The following ASB4 variants were observed in gnomAD, a reference collection of about 807,000 sequenced individuals.
The protein encoded by ASB4 is ankyrin repeat and SOCS box containing 4.
Under a neutral mutation model 38.6 loss-of-function variants are expected in ASB4, and 35 were observed. The observed-to-expected ratio is 0.91, with a 90% CI of 0.69 to 1.20. ASB4 has a LOEUF of 1.20. Among genes scored for constraint, ASB4 ranks in the 50% most tolerant of loss-of-function variants. ASB4 has a pLI of 0.00. For missense variants in ASB4, 557 were observed against 527.2 expected (o/e 1.06, Z -0.55); for synonymous variants, 195 against 201.3 (o/e 0.97, Z 0.26).
intron 2 of ASB4, among the ~76,000 whole-genome samples, chr7:95,512,528 G>A (rs752990638): frequency 1.3e-5 from 2 of 152,088 alleles, no homozygotes; most frequent in East Asian, 1.9e-4. Flanking sequence ...AATAAGTCCT[G>A]GAAAATCCAT....
chr7:95,477,199 C>T (rs1789985322), upstream of ASB4, among the ~76,000 whole-genome samples: 1 of 151,854 alleles, frequency 6.6e-6, no homozygotes, highest in Admixed American at 6.6e-5. Flanking sequence ...TAACACAGTC[C>T]CTAAAAGACA....
chr7:95,537,535 C>T (rs1790912455), intron 4 of ASB4, 36 bp from the exon 5 acceptor site: 1 of 1,546,598 alleles, frequency 6.5e-7, no homozygotes, highest in African/African-American at 1.4e-5. Context: ...ACTGTGGGGC[C>T]TTGCTAACTT....
chr7:95,549,299 C>T, the ASB4 span, among the ~76,000 whole-genome samples: 3 of 88,300 alleles, frequency 3.4e-5, no homozygotes, highest in Admixed American at 3.0e-4. Flanking sequence ...ATAGGAGACT[C>T]CATTTTTTTT....
In ASB4 at chr7:95,536,471, T is replaced by C. The variant is rs754354081; in HGVS notation, c.1013T>C (p.Ile338Thr). 1.9e-5 allele frequency: 30 copies of C among 1,613,216 alleles called. No homozygotes were observed. The highest frequency in any genetic ancestry group is 1.6e-4 in the South Asian group (15 of 91,042). Reference sequence around the variant, plus strand: ...GCCTGCCATTCTTGTCCTAAAGCAATTGAAGTTGTAGTCAATGCCTATGAA... The same window carrying C: ...GCCTGCCATTCTTGTCCTAAAGCAACTGAAGTTGTAGTCAATGCCTATGAA... ...IQACHSCPKA[I>T]EVVVNAYEHI... is the part of the protein sequence containing the mutation. The change falls in exon 4 of 5, where the codon ATT (isoleucine) becomes ACT (threonine). Residue 338 changes from isoleucine to threonine, a missense_variant. Coordinates refer to ENST00000325885, the MANE Select transcript of ASB4 (RefSeq NM_016116.3).
At chr7:95,483,479 G>T (rs1790040879), upstream of ASB4, among the ~76,000 whole-genome samples, 2 of 152,150 alleles carry the variant, frequency 1.3e-5, no homozygotes, top group South Asian at 4.1e-4. Context: ...TAAATATTTG[G>T]ATCAGATTAA....
upstream of ASB4, among the ~76,000 whole-genome samples, chr7:95,481,113 T>C (rs1790018297): frequency 6.6e-6 from 1 of 151,864 alleles, no homozygotes; most frequent in Non-Finnish European, 1.5e-5. Context: ...ACCTGATCTG[T>C]AAACTAGAAA....
At chr7:95,513,265 T>C (rs1163204377) in intron 2 of ASB4, among the ~76,000 whole-genome samples, 1 of 142,086 alleles carries the variant, frequency 7.0e-6, no homozygotes, top group South Asian at 2.3e-4. Context: ...TTTTTTTTTT[T>C]TTTTTTTTTA....
At chr7:95,521,191 A>G (rs1790657726) in intron 2 of ASB4, among the ~76,000 whole-genome samples, 1 of 152,090 alleles carries the variant, frequency 6.6e-6, no homozygotes, top group Non-Finnish European at 1.5e-5. Flanking sequence ...TATTCTGATT[A>G]TGTTTTCAAT....
At chr7:95,482,627 G>A (rs867156039), upstream of ASB4, among the ~76,000 whole-genome samples, 19 of 152,274 alleles carry the variant, frequency 1.2e-4, no homozygotes, top group African/African-American at 3.1e-4. Flanking sequence ...CACGTCATAG[G>A]GTTTCTTTCA....
chr7:95,536,589 A>C, intron 4 of ASB4, 39 bp downstream of exon 4: 1 of 1,455,854 alleles, frequency 6.9e-7, no homozygotes, highest in Non-Finnish European at 9.6e-7. Flanking sequence ...TTCACTATCA[A>C]GTACTTCCAG....
intron 1 of ASB4, among the ~76,000 whole-genome samples, chr7:95,494,651 A>G (rs1017501513): frequency 3.3e-5 from 5 of 152,020 alleles, no homozygotes; most frequent in Non-Finnish European, 2.9e-5. Flanking sequence ...TTCTGTACCT[A>G]TTTTCCGTTC....
intron 2 of ASB4, among the ~76,000 whole-genome samples, chr7:95,496,668 G>T (rs1219936062): frequency 6.6e-6 from 1 of 152,022 alleles, no homozygotes; most frequent in African/African-American, 2.4e-5. Flanking sequence ...GCAACATAGG[G>T]AGACCCCATC....
intron 2 of ASB4, among the ~76,000 whole-genome samples, chr7:95,525,564 C>T (rs763618059): frequency 7.9e-5 from 12 of 152,016 alleles, no homozygotes; most frequent in Non-Finnish European, 1.3e-4. Flanking sequence ...AAAGATCAAT[C>T]GTAAATGTCC....
At chr7:95,490,689 G>A (rs1327676091) in intron 1 of ASB4, among the ~76,000 whole-genome samples, 1 of 152,254 alleles carries the variant, frequency 6.6e-6, no homozygotes, top group East Asian at 1.9e-4. Flanking sequence ...AAACGCTGGA[G>A]CAGAACCAAT....
chr7:95,541,690 T>C (rs959487963), downstream of ASB4, among the ~76,000 whole-genome samples: 5 of 152,192 alleles, frequency 3.3e-5, no homozygotes, highest in African/African-American at 9.7e-5. Flanking sequence ...CAATGATCTA[T>C]TTTACTATGG....
At chr7:95,477,134 C>T (rs2116562599), upstream of ASB4, among the ~76,000 whole-genome samples, 2 of 152,054 alleles carry the variant, frequency 1.3e-5, no homozygotes, top group Middle Eastern at 6.8e-3. Flanking sequence ...GATACTGCAG[C>T]TGTTCTTCCG....
chr7:95,531,541 C>A (rs11768402), intron 3 of ASB4, among the ~76,000 whole-genome samples: 1 of 152,064 alleles, frequency 6.6e-6, no homozygotes, highest in Non-Finnish European at 1.5e-5. Flanking sequence ...GTGGTTAGCA[C>A]GGTGCCATGG....
At chr7:95,487,530 C>A (rs1790109136) in intron 1 of ASB4, among the ~76,000 whole-genome samples, 1 of 152,060 alleles carries the variant, frequency 6.6e-6, no homozygotes, top group African/African-American at 2.4e-5. Context: ...TCTGAGCAGG[C>A]CAAGTTGCAC....
intron 2 of ASB4, among the ~76,000 whole-genome samples, chr7:95,508,661 A>C (rs1341738741): frequency 6.6e-6 from 1 of 152,124 alleles, no homozygotes; most frequent in African/African-American, 2.4e-5. Flanking sequence ...GACAGCAGAT[A>C]ATTGGGCTCA....
Sources: allele counts gnomAD v4.1 joint callset (sites outside exome capture counted in the v4.1 genomes callset), GRCh38; gene constraint gnomAD v4.1.1; transcripts MANE v1.5; gene names NCBI Gene and HGNC (gene_info 2026-07-23, HGNC 2026-07-21).